Variants in TSPAN7 observed in about 807,000 individuals in gnomAD.
TSPAN7 encodes tetraspanin 7, also known as tetraspanin-7.
A neutral mutation model predicts 17.6 loss-of-function variants in TSPAN7; 1 was observed. That is an observed-to-expected ratio of 0.06 (90% CI 0.02 to 0.27). TSPAN7 has a LOEUF of 0.27. Ranked by LOEUF, TSPAN7 falls within the 10% of genes least tolerant of loss-of-function variation. The probability of loss-of-function intolerance (pLI) is 1.00; values close to 1 mark genes in which losing one functional copy is unlikely to be tolerated. For missense variants in TSPAN7, 112 were observed against 201.7 expected (o/e 0.56, Z 2.69); for synonymous variants, 78 against 79.0 (o/e 0.99, Z 0.07).
At chrX:38,646,154 A>AAAC in intron 1 of TSPAN7, 1 of 728,518 alleles carries the variant, frequency 1.4e-6, no homozygotes, top group African/African-American at 2.1e-5. Flanking sequence ...TATAAAAAAA[A>AAAC]AACCTGTAAA....
At chrX:38,648,917 C>CA (rs781037449) in intron 1 of TSPAN7, among the ~76,000 whole-genome samples, 1,447 of 49,206 alleles carry the variant, frequency 0.029, 30 homozygotes, top group African/African-American at 0.075. Flanking sequence ...AACTCTGTCT[C>CA]AAAAAAAAAA....
At chrX:38,578,118 A>T (rs968896205) in intron 1 of TSPAN7, among the ~76,000 whole-genome samples, 2 of 111,483 alleles carry the variant, frequency 1.8e-5, no homozygotes, top group Non-Finnish European at 3.8e-5. Flanking sequence ...AGTGGCTAGA[A>T]AGGCAGGATT....
At chrX:38,648,374 C>G (rs372621249) in intron 1 of TSPAN7, among the ~76,000 whole-genome samples, 1 of 112,134 alleles carries the variant, frequency 8.9e-6, no homozygotes, top group East Asian at 2.8e-4. Flanking sequence ...ACATGTGTCC[C>G]CTCCTATTAT....
chrX:38,685,802 A>G (rs2069923702), intron 6 of TSPAN7, among the ~76,000 whole-genome samples: 1 of 112,264 alleles, frequency 8.9e-6, no homozygotes, highest in East Asian at 2.8e-4. Context: ...TGCATGGGTT[A>G]TATGCAAATA....
rs756104299 is a variant in TSPAN7 at position 38,601,312 on chromosome X, A to G, written c.81+39685A>G. Among the ~76,000 whole-genome samples the G allele has an allele frequency of 2.7e-5, 3 of 111,696 alleles. No individual in the cohort carries two copies. The East Asian group carries it at 8.5e-4, about 32-fold the overall frequency. ...CATAAAACTGCTCAAACAAGAGTCA[A>G]GGGAGTAATTTCTAAGAACACAATG... On this transcript the variant is annotated intron_variant, in intron 1 of 7. Transcript: ENST00000378482.
At chrX:38,680,203 G>T (rs781115097) in intron 5 of TSPAN7, among the ~76,000 whole-genome samples, 1 of 111,125 alleles carries the variant, frequency 9.0e-6, no homozygotes, top group East Asian at 2.8e-4. Flanking sequence ...GACTACAAAT[G>T]TATATAGATA....
intron 1 of TSPAN7, among the ~76,000 whole-genome samples, chrX:38,638,484 G>A (rs910860070): frequency 8.9e-6 from 1 of 112,228 alleles, no homozygotes; most frequent in Admixed American, 9.4e-5. Context: ...ATATGTGTAC[G>A]TATATGGATA....
At chrX:38,586,418 T>C (rs192865477) in intron 1 of TSPAN7, among the ~76,000 whole-genome samples, 22 of 112,548 alleles carry the variant, frequency 2.0e-4, no homozygotes, top group African/African-American at 6.8e-4. Context: ...AATGTATTTC[T>C]TTTAACCTGG....
At chrX:38,605,481 C>G (rs1223073457) in intron 1 of TSPAN7, among the ~76,000 whole-genome samples, 1 of 110,159 alleles carries the variant, frequency 9.1e-6, no homozygotes, top group East Asian at 2.9e-4. Context: ...AATGGCCATA[C>G]TGCCCAAGGT....
intron 1 of TSPAN7, among the ~76,000 whole-genome samples, chrX:38,579,424 A>T (rs1243048897): frequency 9.1e-6 from 1 of 109,807 alleles, no homozygotes; most frequent in Non-Finnish European, 1.9e-5. Flanking sequence ...TACTAAAAAA[A>T]AAAATACAAA....
At chrX:38,613,928 G>A (rs1247955370) in intron 1 of TSPAN7, among the ~76,000 whole-genome samples, 1 of 109,201 alleles carries the variant, frequency 9.2e-6, no homozygotes, top group Non-Finnish European at 1.9e-5. Context: ...CAGTTTCAGA[G>A]GAGCCCTGTG....
chrX:38,674,362 G>A, intron 4 of TSPAN7, 46 bp downstream of exon 4: 1 of 1,069,547 alleles, frequency 9.3e-7, no homozygotes, highest in Non-Finnish European at 1.3e-6. Context: ...ATGAAGTCTA[G>A]GCTTAGACTT....
chrX:38,666,970 A>C (rs2069786740), intron 2 of TSPAN7, among the ~76,000 whole-genome samples: 1 of 112,106 alleles, frequency 8.9e-6, no homozygotes, highest in African/African-American at 3.2e-5. Flanking sequence ...TTTGGTGGCA[A>C]GGCAGCATCC....
At position 38,562,991 on chromosome X, in the gene TSPAN7, T is replaced by C. The variant is rs773259766; in HGVS notation, c.81+1364T>C. On this transcript the variant is annotated intron_variant, in intron 1 of 7. Coordinates refer to ENST00000378482, the MANE Select transcript of TSPAN7 (RefSeq NM_004615.4). ...GCTTTGAAACTGGAGCACAGTGCTGTATGAGGTACCGAGAATCAGCTAGAT... is the reference window on the plus strand; with the variant it reads ...GCTTTGAAACTGGAGCACAGTGCTGCATGAGGTACCGAGAATCAGCTAGAT... The C allele has an allele frequency of 4.1e-6, 4 of 971,192 alleles. No homozygotes were observed. The South Asian group carries it at 8.0e-5, about 19-fold the overall frequency. The allele number at this position is 971,192 out of a possible 1,213,427, so 80.0% of individuals were successfully genotyped here. A position where few individuals can be genotyped will look rare whatever the true frequency, so the allele number is the denominator to read the frequency against.
intron 1 of TSPAN7, among the ~76,000 whole-genome samples, chrX:38,610,035 G>T (rs1430541737): frequency 9.0e-6 from 1 of 111,433 alleles, no homozygotes; most frequent in Non-Finnish European, 1.9e-5. Context: ...AAAAATGTAC[G>T]ATTGGCATTC....
chrX:38,680,579 CT>C (rs1262414760), intron 5 of TSPAN7, among the ~76,000 whole-genome samples: 1 of 103,470 alleles, frequency 9.7e-6, no homozygotes, highest in Non-Finnish European at 1.9e-5. Flanking sequence ...CTCTCTCTCT[CT>C]CTCTGGAAAA....
At chrX:38,562,436 A>G (rs937910969) in intron 1 of TSPAN7, among the ~76,000 whole-genome samples, 17 of 109,501 alleles carry the variant, frequency 1.6e-4, no homozygotes, top group African/African-American at 5.7e-4. Flanking sequence ...CTCCCCATCT[A>G]TCCAGTGCTG....
At chrX:38,636,694 C>G (rs2069581745) in intron 1 of TSPAN7, among the ~76,000 whole-genome samples, 1 of 109,386 alleles carries the variant, frequency 9.1e-6, no homozygotes, top group Non-Finnish European at 1.9e-5. Flanking sequence ...TTTTTTTAGT[C>G]AGACAGAGTC....
intron 1 of TSPAN7, among the ~76,000 whole-genome samples, chrX:38,565,475 G>A (rs190514889): frequency 1.7e-3 from 192 of 112,227 alleles, no homozygotes; most frequent in African/African-American, 5.8e-3. Flanking sequence ...TGATCTGCCC[G>A]CCTCAGCCTC....
Sources: allele counts gnomAD v4.1 joint callset (sites outside exome capture counted in the v4.1 genomes callset), GRCh38; gene constraint gnomAD v4.1.1; transcripts MANE v1.5; gene names NCBI Gene and HGNC (gene_info 2026-07-23, HGNC 2026-07-21).